The following SLC17A6 variants were observed in gnomAD, a reference collection of about 807,000 sequenced individuals.
SLC17A6 encodes vesicular glutamate transporter 2.
SLC17A6 carries 35 observed loss-of-function variants against 67.1 expected under a neutral mutation model. The observed-to-expected ratio is 0.52, with a 90% CI of 0.40 to 0.69. SLC17A6 has a LOEUF of 0.69. SLC17A6 is among the 30% of genes least tolerant of loss of function. SLC17A6 has a pLI of 0.00. For synonymous variants in SLC17A6, 285 were observed against 252.3 expected, an observed-to-expected ratio of 1.13 and a Z score of -1.23; for missense variants, 588 against 723.9, an observed-to-expected ratio of 0.81 and a Z score of 2.15.
chr11:22,378,495 A>G lies in SLC17A6; in HGVS notation c.*755A>G, dbSNP rs1856257813. 1 of 152,610 alleles carries G rather than the reference A, an allele frequency of 6.6e-6. No homozygotes were observed. The highest frequency in any genetic ancestry group is 2.4e-5 in the African/African-American group (1 of 41,462). The allele number at this position is 152,610 out of a possible 1,614,324, so 9.5% of individuals were successfully genotyped here. A position where few individuals can be genotyped will look rare whatever the true frequency, so the allele number is the denominator to read the frequency against. ...ATCACATAACTTTTTTGCAAAAAATATAAAAAGAAATAAACTTCAATGTAT... is the reference window on the plus strand; with the variant it reads ...ATCACATAACTTTTTTGCAAAAAATGTAAAAAGAAATAAACTTCAATGTAT... On this transcript the variant is annotated 3_prime_UTR_variant, in exon 12 of 12. Transcript: ENST00000263160.
At chr11:22,344,108 C>G (rs1041791196) in intron 3 of SLC17A6, among the ~76,000 whole-genome samples, 1 of 152,154 alleles carries the variant, frequency 6.6e-6, no homozygotes, top group Non-Finnish European at 1.5e-5. Context: ...TGAGGGGCAG[C>G]TTCCTTTGCT....
intron 7 of SLC17A6, among the ~76,000 whole-genome samples, chr11:22,368,778 T>C (rs12277999): frequency 0.095 from 14,434 of 152,128 alleles, 873 homozygotes; most frequent in African/African-American, 0.17. Flanking sequence ...CAGAACATAT[T>C]GATTTCTTTT....
intron 3 of SLC17A6, among the ~76,000 whole-genome samples, chr11:22,350,213 C>G (rs2133863251): frequency 6.6e-6 from 1 of 152,232 alleles, no homozygotes; most frequent in East Asian, 1.9e-4. Flanking sequence ...TTTGCCTTTC[C>G]AAACATTTCT....
intron 8 of SLC17A6, among the ~76,000 whole-genome samples, chr11:22,374,455 A>G (rs1360878933): frequency 6.6e-6 from 1 of 151,884 alleles, no homozygotes; most frequent in Non-Finnish European, 1.5e-5. Flanking sequence ...CTAAGGGTGT[A>G]TTCGTGCAAA....
chr11:22,339,187 A>ATATGTTTTT (rs1564976586), intron 1 of SLC17A6, among the ~76,000 whole-genome samples: 2 of 87,388 alleles, frequency 2.3e-5, no homozygotes, highest in African/African-American at 7.4e-5. Context: ...TGTTTTATAT[A>ATATGTTTTT]TATATATATA....
chr11:22,347,759 T>C (rs1289782936), intron 3 of SLC17A6, among the ~76,000 whole-genome samples: 1 of 152,196 alleles, frequency 6.6e-6, no homozygotes, highest in African/African-American at 2.4e-5. Context: ...TAGCCAAGTG[T>C]ATAGAGTGCT....
chr11:22,342,156 G>A (rs1245415596), intron 2 of SLC17A6, among the ~76,000 whole-genome samples: 1 of 152,218 alleles, frequency 6.6e-6, no homozygotes, highest in East Asian at 1.9e-4. Flanking sequence ...TTCAGTCCCA[G>A]CCAAAACATT....
At chr11:22,366,525 C>T (rs1188569059) in intron 7 of SLC17A6, among the ~76,000 whole-genome samples, 1 of 152,000 alleles carries the variant, frequency 6.6e-6, no homozygotes, top group Admixed American at 6.6e-5. Context: ...CTATGAATAT[C>T]AAGCATTATA....
In SLC17A6 at chr11:22,378,113, T is replaced by C. The variant is rs969168787; in HGVS notation, c.*373T>C. 2.1e-5 allele frequency: 5 copies of C among 237,454 alleles called. No individual in the cohort carries two copies. The highest frequency in any genetic ancestry group is 3.2e-5 in the Non-Finnish European group (4 of 124,134). The allele number at this position is 237,454 out of a possible 1,614,324, so 14.7% of individuals were successfully genotyped here. On this transcript the variant is annotated 3_prime_UTR_variant, in exon 12 of 12. Transcript: ENST00000263160. The stretch of plus-strand genomic sequence containing the variant: ...TACTTGATCATGCAAAATGCACTTA[T>C]ATATTTGTTACACTGTATTGCAAGA...
chr11:22,348,920 T>G (rs1855907600), intron 3 of SLC17A6, among the ~76,000 whole-genome samples: 1 of 152,158 alleles, frequency 6.6e-6, no homozygotes, highest in Non-Finnish European at 1.5e-5. Flanking sequence ...AAGGAGCAAT[T>G]TTACTGGTGC....
chr11:22,375,154 C>T (rs991254369), intron 9 of SLC17A6, among the ~76,000 whole-genome samples: 4 of 151,854 alleles, frequency 2.6e-5, no homozygotes, highest in Non-Finnish European at 4.4e-5. Flanking sequence ...GGGTGGATCA[C>T]GAGGTCAGGA....
intron 6 of SLC17A6, among the ~76,000 whole-genome samples, chr11:22,363,451 A>G (rs1430288918): frequency 6.6e-6 from 1 of 152,192 alleles, no homozygotes; most frequent in Non-Finnish European, 1.5e-5. Flanking sequence ...CTTTCTTTCT[A>G]AGAGGCACTT....
chr11:22,341,646 C>G lies in SLC17A6; in HGVS notation c.205C>G (p.Arg69Gly), dbSNP rs770562194. 1.9e-6 allele frequency: 3 copies of G among 1,614,198 alleles called. No individual in the cohort carries two copies. The highest frequency in any genetic ancestry group is 2.5e-6 in the Non-Finnish European group (3 of 1,180,036). The change falls in exon 2 of 12, where the codon CGC becomes GGC. Residue 69 changes from arginine to glycine, a missense_variant. Arg to Gly is a moderately radical substitution (Grantham distance 125, BLOSUM62 -2). Coordinates refer to ENST00000263160, the MANE Select transcript of SLC17A6 (RefSeq NM_020346.3). Reference sequence around the variant, plus strand: ...CGACTGCACGTGCTTCGGCCTGCCCCGCCGCTACATTATCGCCATCATGAG... The same window carrying G: ...CGACTGCACGTGCTTCGGCCTGCCCGGCCGCTACATTATCGCCATCATGAG... ...LCDCTCFGLPRRYIIAIMSGL... is the reference protein window; with the variant it reads ...LCDCTCFGLPGRYIIAIMSGL...
intron 8 of SLC17A6, among the ~76,000 whole-genome samples, chr11:22,374,134 G>T (rs1176844409): frequency 1.3e-5 from 2 of 152,052 alleles, no homozygotes; most frequent in Non-Finnish European, 2.9e-5. Context: ...ACTGATCTTG[G>T]TGCGTAAAGT....
chr11:22,345,406 G>A (rs1453264805), intron 3 of SLC17A6, among the ~76,000 whole-genome samples: 2 of 151,498 alleles, frequency 1.3e-5, no homozygotes, highest in African/African-American at 4.8e-5. Flanking sequence ...CCACCTCCTG[G>A]GTTCAAGTGA....
chr11:22,368,857 T>A (rs1856142034), intron 7 of SLC17A6, among the ~76,000 whole-genome samples: 1 of 152,104 alleles, frequency 6.6e-6, no homozygotes, highest in Non-Finnish European at 1.5e-5. Context: ...GCCACAGAAT[T>A]CATTACATAG....
chr11:22,343,073 T>A (rs1034286512), intron 2 of SLC17A6, 174 bp from the exon 3 acceptor site: 1 of 688,400 alleles, frequency 1.5e-6, no homozygotes, highest in Non-Finnish European at 2.6e-6. Context: ...ATGAGCAGGG[T>A]TTTTTCGTTG....
Position 22,360,951 on chromosome 11 carries a change from G to A in SLC17A6, c.628G>A (p.Glu210Lys). The A allele has an allele frequency of 6.2e-7, 1 of 1,613,952 alleles. No homozygotes were observed. Among genetic ancestry groups the A allele is most frequent in the African/African-American group, 1.3e-5 (1 of 75,046 alleles). The change falls in exon 5 of 12, where the codon GAG becomes AAG. Residue 210 changes from glutamate to lysine, a missense_variant. Glu to Lys is a moderately conservative substitution (Grantham distance 56). Around this residue, in one of 4 missense-constraint regions of SLC17A6, gnomAD observed 414 missense variants for 563.4 expected, o/e 0.73. Transcript: ENST00000263160. Reference protein sequence around the residue: ...GIWSKWAPPLERSRLATTSFC... With the variant: ...GIWSKWAPPLKRSRLATTSFC... ...ATGGAGCAAATGGGCCCCACCTCTA[G>A]AGAGGAGTAGACTGGCAACCACCTC...
chr11:22,371,256 A>G (rs142400455), intron 8 of SLC17A6, among the ~76,000 whole-genome samples: 31 of 152,028 alleles, frequency 2.0e-4, no homozygotes, highest in Admixed American at 2.6e-4. Context: ...TGGTCTTGCT[A>G]TCTCTCTTCA....
Sources: gnomAD v4.1 joint callset for allele counts (sites outside exome capture counted in the v4.1 genomes callset) on GRCh38, gnomAD v4.1.1 for gene constraint, gnomAD v4.1.1 regional missense constraint, MANE v1.5 for transcripts, NCBI Gene and HGNC (gene_info 2026-07-23, HGNC 2026-07-21) for gene names.